Variants in ADGRV1 observed in about 807,000 individuals in gnomAD.
ADGRV1 encodes G-protein coupled receptor 98.
Under a neutral mutation model 596.2 loss-of-function variants are expected in ADGRV1, and 359 were observed. The ratio of observed to expected loss-of-function variants is 0.60; its 90% CI spans 0.55 to 0.66. The LOEUF is 0.66. ADGRV1 is among the 30% of genes least tolerant of loss of function. ADGRV1 has a pLI of 0.00. For missense variants in ADGRV1, 7,274 were observed against 7,575.6 expected, an observed-to-expected ratio of 0.96 and a Z score of 1.48; for synonymous variants, 2,681 against 2,679.2, an observed-to-expected ratio of 1.00 and a Z score of -0.02.
At chr5:91,004,707 G>A (rs1200117038) in intron 85 of ADGRV1, among the ~76,000 whole-genome samples, 1 of 152,118 alleles carries the variant, frequency 6.6e-6, no homozygotes, top group African/African-American at 2.4e-5. Flanking sequence ...TTAATCATTT[G>A]TTGTGAATTC....
chr5:90,809,160 G>GTT (rs1762193847), intron 73 of ADGRV1, among the ~76,000 whole-genome samples: 1 of 151,690 alleles, frequency 6.6e-6, no homozygotes, highest in South Asian at 2.1e-4. Flanking sequence ...GTTTCACTGT[G>GTT]TTAGCCAGGA....
intron 87 of ADGRV1, among the ~76,000 whole-genome samples, chr5:91,129,743 A>G (rs1216915425): frequency 6.6e-6 from 1 of 152,200 alleles, no homozygotes; most frequent in Non-Finnish European, 1.5e-5. Flanking sequence ...ATCAAATTTT[A>G]ATGCTAGAAA....
At chr5:90,736,909 AC>A (rs1359436676) in intron 50 of ADGRV1, among the ~76,000 whole-genome samples, 5 of 151,430 alleles carry the variant, frequency 3.3e-5, no homozygotes, top group Admixed American at 1.3e-4. Flanking sequence ...TTAAAAAAAA[AC>A]AATTCTTAGT....
rs1348849396 is a variant in ADGRV1 at position 91,153,315 on chromosome 5, C to T, written c.18719C>T (p.Ser6240Phe). 1.9e-6 allele frequency: 3 copies of T among 1,612,366 alleles called. No individual in the cohort carries two copies. Among genetic ancestry groups the T allele is most frequent in the Admixed American group, 3.3e-5 (2 of 59,826 alleles). Residue 6240 changes from serine to phenylalanine, a missense_variant, in exon 89 of 90, where the codon TCC becomes TTC. Physicochemically the swap from Ser to Phe is radical, Grantham distance 155. This residue lies in a region of ADGRV1 where 1,874 missense variants were observed against 1,970.2 expected (regional missense o/e 0.95). Transcript: ENST00000405460. ...CCACAAAATGGAGCCACGTTCCCGT[C>T]CTCTGGAGGATATGGCCAGGGGTCA... ...PSPQNGATFP[S>F]SGGYGQGSLI... is the part of the protein sequence containing the mutation.
At chr5:90,949,553 A>G (rs1776883408) in intron 83 of ADGRV1, among the ~76,000 whole-genome samples, 1 of 152,232 alleles carries the variant, frequency 6.6e-6, no homozygotes, top group African/African-American at 2.4e-5. Flanking sequence ...TAGATGTTAG[A>G]GGTAATAAAT....
At chr5:90,636,957 C>A (rs1338469289) in intron 10 of ADGRV1, among the ~76,000 whole-genome samples, 2 of 152,116 alleles carry the variant, frequency 1.3e-5, no homozygotes, top group Admixed American at 1.3e-4. Flanking sequence ...TTTTATTATA[C>A]ATTTTTTAAA....
In ADGRV1 at chr5:90,802,847, G is replaced by C; in HGVS notation, c.14626G>C (p.Val4876Leu). The stretch of plus-strand genomic sequence containing the variant: ...AATTCTTCAGGAAGCAAAATCTGCT[G>C]TCCTTCCAGTCTCTGAGAAAGCTGC... ...PTILQEAKSA[V>L]LPVSEKAANS... Residue 4876 changes from valine to leucine, a missense_variant, in exon 71 of 90, where the codon GTC becomes CTC. Physicochemically the swap from Val to Leu is conservative, Grantham distance 32. This residue lies in a region of ADGRV1 where 1,874 missense variants were observed against 1,970.2 expected (regional missense o/e 0.95). Transcript: ENST00000405460. 6.2e-7 allele frequency: 1 copy of C among 1,609,536 alleles called. No homozygotes were observed. The highest frequency in any genetic ancestry group is 8.5e-7 in the Non-Finnish European group (1 of 1,177,998).
intron 83 of ADGRV1, among the ~76,000 whole-genome samples, chr5:90,936,901 T>C (rs1319572153): frequency 6.6e-6 from 1 of 152,146 alleles, no homozygotes; most frequent in South Asian, 2.1e-4. Context: ...AAAATGTCTT[T>C]ATTTTGCCTG....
intron 85 of ADGRV1, among the ~76,000 whole-genome samples, chr5:91,019,646 C>T (rs1818352): frequency 1 from 152,007 of 152,080 alleles, 75,968 homozygotes; most frequent in Middle Eastern, 1. Context: ...AGTCTGATGA[C>T]TTGGAAACTG....
chr5:91,026,925 T>C (rs1308128005), intron 85 of ADGRV1, among the ~76,000 whole-genome samples: 2 of 151,920 alleles, frequency 1.3e-5, no homozygotes, highest in African/African-American at 4.8e-5. Flanking sequence ...GCAGATCACT[T>C]GAGGCCAGGA....
chr5:90,913,161 T>C (rs61006221), intron 83 of ADGRV1, among the ~76,000 whole-genome samples: 22,827 of 152,006 alleles, frequency 0.15, 2,396 homozygotes, highest in East Asian at 0.48. Context: ...TTATAGACTG[T>C]GGAAATATAG....
At chr5:90,718,361 C>T (rs531204020) in intron 43 of ADGRV1, 9 of 152,140 alleles carry the variant, frequency 5.9e-5, no homozygotes, top group South Asian at 4.1e-4. Flanking sequence ...ATGTATATAC[C>T]GTAATTTTTA....
chr5:90,781,501 T>C lies in ADGRV1; in HGVS notation c.13154T>C (p.Ile4385Thr). ...DQPPEIGNIS[I>T]VRIIIMKNDN... ...CCTCCTGAAATAGGAAACATCTCCA[T>C]TGTTCGCATCATAATAATGAAAAAT... Residue 4385 changes from isoleucine to threonine, a missense_variant, in exon 65 of 90, where the codon ATT becomes ACT. Physicochemically the swap from Ile to Thr is moderately conservative, Grantham distance 89. Around this residue, in one of 5 missense-constraint regions of ADGRV1, gnomAD observed 3,643 missense variants for 3,809.2 expected, o/e 0.96. Coordinates refer to ENST00000405460, the MANE Select transcript of ADGRV1 (RefSeq NM_032119.4). 6.2e-7 allele frequency: 1 copy of C among 1,611,162 alleles called. No homozygotes were observed. Among genetic ancestry groups the C allele is most frequent in the Non-Finnish European group, 8.5e-7 (1 of 1,178,424 alleles).
chr5:90,624,619 A>G (rs1396685391), intron 5 of ADGRV1, among the ~76,000 whole-genome samples: 1 of 152,064 alleles, frequency 6.6e-6, no homozygotes, highest in Non-Finnish European at 1.5e-5. Flanking sequence ...CCATTCATTT[A>G]TTTATCATTT....
In ADGRV1 at chr5:90,768,689, C is replaced by T. The variant is rs144861602; in HGVS notation, c.12285+5220C>T. The stretch of plus-strand genomic sequence containing the variant: ...GCAAAGTCCTTCTTTCCTATTTCTA[C>T]TTTATGCAGGACAACTAAGCTCCAT... On this transcript the variant is annotated intron_variant, in intron 59 of 89. Transcript: ENST00000405460. Among the ~76,000 whole-genome samples the T allele has an allele frequency of 3.6e-3, 546 of 152,256 alleles. 5 individuals are homozygous for T. The highest frequency in any genetic ancestry group is 0.013 in the Admixed American group (203 of 15,290).
intron 85 of ADGRV1, among the ~76,000 whole-genome samples, chr5:91,061,940 G>T (rs970678114): frequency 6.6e-5 from 10 of 152,288 alleles, no homozygotes; most frequent in Non-Finnish European, 1.0e-4. Flanking sequence ...CATTGTAGTT[G>T]CAGGTAAATC....
At chr5:90,854,805 TTTTG>T (rs1365888317) in intron 81 of ADGRV1, among the ~76,000 whole-genome samples, 2 of 152,296 alleles carry the variant, frequency 1.3e-5, no homozygotes, top group South Asian at 2.1e-4. Context: ...AGCCACTTGA[TTTTG>T]TTTATTACTG....
intron 85 of ADGRV1, among the ~76,000 whole-genome samples, chr5:90,992,932 C>G (rs188865890): frequency 6.6e-4 from 100 of 152,182 alleles, no homozygotes; most frequent in African/African-American, 2.3e-3. Context: ...TACCTTTTAT[C>G]CAGTGTGCAT....
Position 90,703,741 on chromosome 5 carries a change from G to A in ADGRV1, c.8232G>A (p.Gly2744=), listed in dbSNP as rs1187816463. 1 of 1,604,888 alleles carries A rather than the reference G, an allele frequency of 6.2e-7. No individual in the cohort carries two copies. Among genetic ancestry groups the A allele is most frequent in the South Asian group, 1.1e-5 (1 of 89,510 alleles). Reference sequence around the variant, plus strand: ...TTACTGTTAACTGGAAAATTATTGGGCAAAATCTAGAACTCAATTTTGCTA... The same window carrying A: ...TTACTGTTAACTGGAAAATTATTGGACAAAATCTAGAACTCAATTTTGCTA... ...GNVTVNWKII[G]QNLELNFANF... Residue 2744 remains glycine (G), a synonymous_variant, in exon 35 of 90, where the codon GGG becomes GGA. Transcript: ENST00000405460.
Sources: gnomAD v4.1 joint callset for allele counts (sites outside exome capture counted in the v4.1 genomes callset) on GRCh38, gnomAD v4.1.1 for gene constraint, gnomAD v4.1.1 regional missense constraint, MANE v1.5 for transcripts, NCBI Gene and HGNC (gene_info 2026-07-23, HGNC 2026-07-21) for gene names.